Variants in SLC25A26 observed in about 807,000 individuals in gnomAD.
SLC25A26 encodes mitochondrial S-adenosylmethionine carrier protein.
A neutral mutation model predicts 37.8 loss-of-function variants in SLC25A26; 36 were observed. The observed-to-expected ratio is 0.95, with a 90% confidence interval of 0.73 to 1.26. The LOEUF (loss-of-function observed/expected upper bound fraction) is 1.26, where lower values mean the gene tolerates loss of function less well. Among genes scored for constraint, SLC25A26 ranks in the 50% most tolerant of loss-of-function variants. The probability of loss-of-function intolerance (pLI) is 0.00; values close to 1 mark genes in which losing one functional copy is unlikely to be tolerated. For missense variants in SLC25A26, 390 were observed against 331.1 expected (o/e 1.18, Z -1.38); for synonymous variants, 129 against 122.5 (o/e 1.05, Z -0.35).
At chr3:66,168,885 G>T (rs1402173450) in intron 1 of SLC25A26, among the ~76,000 whole-genome samples, 1 of 152,202 alleles carries the variant, frequency 6.6e-6, no homozygotes, top group African/African-American at 2.4e-5. Flanking sequence ...CCTTTGGAAG[G>T]CCAAGGAGGG....
In SLC25A26 at chr3:66,240,752, T is replaced by C. The variant is rs555860726; in HGVS notation, c.191-2451T>C. ...CAGGGCTAGCCTTTTCTTTTCTTTT[T>C]TTTTTTTTTTTGAGACAGAGTCTCA... On this transcript the variant is annotated intron_variant, in intron 2 of 9. Transcript: ENST00000354883. 2.6e-4 allele frequency among the ~76,000 whole-genome samples: 38 copies of C among 144,984 alleles called. No homozygotes were observed. The South Asian group carries it at 4.8e-3, about 18-fold the overall frequency.
intron 3 of SLC25A26, among the ~76,000 whole-genome samples, chr3:66,251,594 T>C (rs1576717018): frequency 6.6e-6 from 1 of 152,128 alleles, no homozygotes; most frequent in South Asian, 2.1e-4. Context: ...AGAGAGAGGG[T>C]CAGAACGGGA....
At chr3:66,236,014 T>A (rs974059345) in intron 1 of SLC25A26, among the ~76,000 whole-genome samples, 5 of 152,082 alleles carry the variant, frequency 3.3e-5, no homozygotes, top group African/African-American at 1.2e-4. Context: ...TAGGCTCAAG[T>A]TATCCTTGTT....
At position 66,377,870 on chromosome 3, in the gene SLC25A26, C is replaced by T. The variant is rs544363910; in HGVS notation, c.*63C>T. 4.1e-5 allele frequency: 50 copies of T among 1,223,880 alleles called. No homozygotes were observed. Among genetic ancestry groups the T allele is most frequent in the Admixed American group, 1.2e-4 (7 of 58,062 alleles). The allele number at this position is 1,223,880 out of a possible 1,614,324, so 75.8% of individuals were successfully genotyped here. A position where few individuals can be genotyped will look rare whatever the true frequency, so the allele number is the denominator to read the frequency against. On this transcript the variant is annotated 3_prime_UTR_variant, in exon 10 of 10. Coordinates refer to ENST00000354883, the MANE Select transcript of SLC25A26 (RefSeq NM_001379210.1). ...GGGGCCTGCAGTGCAAACCCTCTTCCGCTGAGCAGCTGTCTGAACTATAGG... is the reference window on the plus strand; with the variant it reads ...GGGGCCTGCAGTGCAAACCCTCTTCTGCTGAGCAGCTGTCTGAACTATAGG...
chr3:66,287,351 C>A (rs534498620), intron 5 of SLC25A26, among the ~76,000 whole-genome samples: 1 of 151,094 alleles, frequency 6.6e-6, no homozygotes, highest in Non-Finnish European at 1.5e-5. Context: ...CCTAAAACAT[C>A]TCTTTGTTCC....
At chr3:66,368,886 T>G (rs2107834762) in intron 7 of SLC25A26, among the ~76,000 whole-genome samples, 1 of 151,970 alleles carries the variant, frequency 6.6e-6, no homozygotes, top group East Asian at 1.9e-4. Flanking sequence ...AGCATGGTGG[T>G]GCGCAGCTGT....
chr3:66,231,192 A>G (rs2072010000), intron 1 of SLC25A26, among the ~76,000 whole-genome samples: 1 of 152,174 alleles, frequency 6.6e-6, no homozygotes, highest in African/African-American at 2.4e-5. Context: ...AAATTGTTTC[A>G]GGACGTGTTT....
intron 5 of SLC25A26, among the ~76,000 whole-genome samples, chr3:66,324,379 A>C (rs1294355144): frequency 6.6e-6 from 1 of 152,064 alleles, no homozygotes; most frequent in African/African-American, 2.4e-5. Flanking sequence ...GGTCTGAGTG[A>C]TACCAGCTGG....
At chr3:66,204,789 C>G (rs1003001697) in intron 1 of SLC25A26, among the ~76,000 whole-genome samples, 9 of 152,192 alleles carry the variant, frequency 5.9e-5, no homozygotes, top group Non-Finnish European at 1.3e-4. Context: ...TTATCAATGT[C>G]TGCCGTGTGT....
chr3:66,359,724 T>G (rs2076655184), intron 6 of SLC25A26, among the ~76,000 whole-genome samples: 1 of 152,366 alleles, frequency 6.6e-6, no homozygotes, highest in East Asian at 1.9e-4. Flanking sequence ...GCAGTGCTTC[T>G]AGGAGCTCTG....
chr3:66,280,575 C>CAGAAT (rs2074303463), intron 5 of SLC25A26, among the ~76,000 whole-genome samples: 1 of 152,180 alleles, frequency 6.6e-6, no homozygotes, highest in Non-Finnish European at 1.5e-5. Context: ...TCTTTGAACT[C>CAGAAT]TTAACGCTCG....
chr3:66,342,815 C>G (rs537840450), intron 5 of SLC25A26, among the ~76,000 whole-genome samples: 2 of 152,240 alleles, frequency 1.3e-5, no homozygotes, highest in East Asian at 3.9e-4. Flanking sequence ...AGGCTTTTTC[C>G]CCCTCCATCT....
intron 5 of SLC25A26, among the ~76,000 whole-genome samples, chr3:66,276,410 G>A (rs781583925): frequency 1.3e-5 from 2 of 152,102 alleles, no homozygotes; most frequent in African/African-American, 2.4e-5. Flanking sequence ...AGAAAATAAT[G>A]TGATGGGGGA....
At chr3:66,358,011 T>G (rs1177133554) in intron 6 of SLC25A26, among the ~76,000 whole-genome samples, 5 of 152,212 alleles carry the variant, frequency 3.3e-5, no homozygotes, top group Non-Finnish European at 2.9e-5. Context: ...CCTAGAGCAT[T>G]GTAGGTAGTC....
At chr3:66,235,249 T>A (rs532096281) in intron 1 of SLC25A26, among the ~76,000 whole-genome samples, 9 of 152,194 alleles carry the variant, frequency 5.9e-5, no homozygotes, top group Non-Finnish European at 1.2e-4. Flanking sequence ...TCTGTTTTCT[T>A]TGACTAAGGT....
chr3:66,154,460 T>C (rs961339684), intron 1 of SLC25A26, among the ~76,000 whole-genome samples: 1 of 151,966 alleles, frequency 6.6e-6, no homozygotes, highest in African/African-American at 2.4e-5. Context: ...AGGAGGAAAA[T>C]GAAAAACCCT....
chr3:66,206,402 C>T (rs2071177735), intron 1 of SLC25A26, among the ~76,000 whole-genome samples: 1 of 152,146 alleles, frequency 6.6e-6, no homozygotes, highest in Non-Finnish European at 1.5e-5. Flanking sequence ...ACCATTTAAG[C>T]CCAAAGACTG....
At chr3:66,293,008 C>G (rs1045096392) in intron 5 of SLC25A26, 12 of 151,874 alleles carry the variant, frequency 7.9e-5, no homozygotes, top group African/African-American at 2.9e-4. Flanking sequence ...TTTCTCTAAT[C>G]TTGTCTTCAC....
intron 1 of SLC25A26, among the ~76,000 whole-genome samples, chr3:66,195,733 T>C (rs974269929): frequency 3.9e-5 from 6 of 152,224 alleles, no homozygotes; most frequent in Non-Finnish European, 8.8e-5. Context: ...AGGTCAACAC[T>C]ATCCAAAGGA....
Sources: allele counts gnomAD v4.1 joint callset (sites outside exome capture counted in the v4.1 genomes callset), GRCh38; gene constraint gnomAD v4.1.1; transcripts MANE v1.5; gene names NCBI Gene and HGNC (gene_info 2026-07-23, HGNC 2026-07-21).